COL4A3: variants seen among roughly 807,000 people sequenced by gnomAD.
COL4A3 encodes the protein collagen alpha-3(IV) chain.
COL4A3 carries 135 observed loss-of-function variants against 217.4 expected under a neutral mutation model. The observed-to-expected ratio is 0.62, with a 90% CI of 0.54 to 0.72. The LOEUF (loss-of-function observed/expected upper bound fraction) is 0.72, where lower values mean the gene tolerates loss of function less well. COL4A3 is among the 30% of genes least tolerant of loss of function. The pLI is 0.00. For missense variants in COL4A3, 1,868 were observed against 2,119.9 expected, an observed-to-expected ratio of 0.88 and a Z score of 2.33; for synonymous variants, 690 against 736.3, an observed-to-expected ratio of 0.94 and a Z score of 1.02.
At chr2:227,197,835 A>G (rs1024757930) in intron 1 of COL4A3, among the ~76,000 whole-genome samples, 3 of 152,196 alleles carry the variant, frequency 2.0e-5, no homozygotes, top group African/African-American at 7.2e-5. Flanking sequence ...GGTTACAACA[A>G]TTATCTCATT....
At position 227,254,114 on chromosome 2, in the gene COL4A3, C is replaced by A. The variant is rs966583523; in HGVS notation, c.768C>A (p.Asp256Glu). ...ATGTTGAACTGTTTCTTTGGCAGGA[C>A]CTCAAGGGGGAAAAGGGAGACAAGG... ...VTLTGPDNRT[D>E]LKGEKGDKGA... The change falls in exon 14 of 52, where the codon GAC becomes GAA. Residue 256 changes from aspartate (D) to glutamate (E), a missense_variant and splice_region_variant. Asp to Glu is a conservative substitution (Grantham distance 45). Transcript: ENST00000396578. The A allele has an allele frequency of 6.2e-7, 1 of 1,613,736 alleles. No individual in the cohort carries two copies. Among genetic ancestry groups the A allele is most frequent in the Non-Finnish European group, 8.5e-7 (1 of 1,179,766 alleles).
intron 48 of COL4A3, 69 bp from the exon 49 acceptor site, chr2:227,308,830 C>G (rs966982613): frequency 1.3e-6 from 2 of 1,492,996 alleles, no homozygotes; most frequent in African/African-American, 2.8e-5. Context: ...AAATTAGCTT[C>G]TCTCTAGTAA....
chr2:227,238,513 C>T (rs999338501), intron 2 of COL4A3, among the ~76,000 whole-genome samples: 2 of 152,118 alleles, frequency 1.3e-5, no homozygotes, highest in African/African-American at 4.8e-5. Flanking sequence ...GGAAGTAGCT[C>T]CATTGCAGAA....
At chr2:227,285,301 A>AAAG (rs2072249776) in intron 34 of COL4A3, among the ~76,000 whole-genome samples, 1 of 150,874 alleles carries the variant, frequency 6.6e-6, no homozygotes, top group Non-Finnish European at 1.5e-5. Context: ...AAAAAAAAAA[A>AAAG]AAATTTGCAC....
chr2:227,242,848 T>C (rs1331032473), intron 3 of COL4A3, among the ~76,000 whole-genome samples: 1 of 152,224 alleles, frequency 6.6e-6, no homozygotes, highest in Non-Finnish European at 1.5e-5. Context: ...AAAATCTTGC[T>C]GTTTTCCAGT....
At chr2:227,291,346 G>A (rs575235540) in intron 37 of COL4A3, among the ~76,000 whole-genome samples, 7 of 151,804 alleles carry the variant, frequency 4.6e-5, no homozygotes, top group Non-Finnish European at 1.0e-4. Flanking sequence ...GGCGGATCAC[G>A]AGGTCAGGAG....
chr2:227,241,532 G>T lies in COL4A3; in HGVS notation c.234+1300G>T, dbSNP rs181534520. On this transcript the variant is annotated intron_variant, in intron 3 of 51. Coordinates refer to ENST00000396578, the MANE Select transcript of COL4A3 (RefSeq NM_000091.5). Reference sequence around the variant, plus strand: ...CTACCAAAAATACAAAAATTAGCCAGGTGTGGTGGCATATGCCTGTGGTCT... The same window carrying T: ...CTACCAAAAATACAAAAATTAGCCATGTGTGGTGGCATATGCCTGTGGTCT... Among the ~76,000 whole-genome samples, 9 of 152,184 alleles carry T rather than the reference G, an allele frequency of 5.9e-5. 1 individual carries two copies. The highest frequency in any genetic ancestry group is 3.9e-4 in the Admixed American group (6 of 15,284).
intron 1 of COL4A3, among the ~76,000 whole-genome samples, chr2:227,217,211 A>G (rs952982579): frequency 6.6e-6 from 1 of 152,194 alleles, no homozygotes; most frequent in Admixed American, 6.5e-5. Context: ...AGACTTATCC[A>G]CTACCATGAG....
intron 43 of COL4A3, chr2:227,301,967 T>C (rs966703881): frequency 2.6e-5 from 4 of 152,260 alleles, no homozygotes; most frequent in African/African-American, 9.6e-5. Flanking sequence ...CTTGGCACTT[T>C]TCATGACCTT....
Position 227,246,008 on chromosome 2 carries a change from G to C in COL4A3, c.379G>C (p.Gly127Arg), listed in dbSNP as rs1221637579. 1 of 1,612,534 alleles carries C rather than the reference G, an allele frequency of 6.2e-7. No individual in the cohort carries two copies. The highest frequency in any genetic ancestry group is 1.7e-5 in the Admixed American group (1 of 60,002). ...YGLVGVPGCS[G>R]SKGEQGFPGL... ...ACTTGTCGGTGTACCAGGATGCAGT[G>C]GTTCTAAGGTAAGTACTTTTCACAC... is the stretch of plus-strand genomic sequence containing the variant. The change falls in exon 6 of 52, where the codon GGT becomes CGT. Residue 127 changes from glycine to arginine, a missense_variant. Physicochemically the swap from Gly to Arg is moderately radical, Grantham distance 125. This residue lies in a region of COL4A3 where 365 missense variants were observed against 333.8 expected (regional missense o/e 1.09). Coordinates refer to ENST00000396578, the MANE Select transcript of COL4A3 (RefSeq NM_000091.5).
chr2:227,276,315 G>GT, intron 26 of COL4A3, 70 bp from the exon 27 acceptor site: 1 of 1,131,088 alleles, frequency 8.8e-7, no homozygotes, highest in Non-Finnish European at 1.3e-6. Context: ...CTTTATAATC[G>GT]TATTTTCCGC....
At chr2:227,174,696 G>A (rs1287651470) in intron 1 of COL4A3, among the ~76,000 whole-genome samples, 5 of 151,986 alleles carry the variant, frequency 3.3e-5, no homozygotes, top group Non-Finnish European at 4.4e-5. Flanking sequence ...TAGAAGAGAC[G>A]GGGTCTCACC....
chr2:227,282,137 T>C lies in COL4A3; in HGVS notation c.2489-228T>C, dbSNP rs973574983. Among the ~76,000 whole-genome samples, 2 of 152,006 alleles carry C rather than the reference T, an allele frequency of 1.3e-5. No homozygotes were observed. The highest frequency in any genetic ancestry group is 2.9e-5 in the Non-Finnish European group (2 of 67,998). Reference sequence around the variant, plus strand: ...AAATACAAAACTTAGCTATGCATTATGGTGCACGCCTGTAGTCCCAGCTAT... The same window carrying C: ...AAATACAAAACTTAGCTATGCATTACGGTGCACGCCTGTAGTCCCAGCTAT... On this transcript the variant is annotated intron_variant, in intron 31 of 51. Coordinates refer to ENST00000396578, the MANE Select transcript of COL4A3 (RefSeq NM_000091.5). The surrounding 1 kb of genome is among the most constrained non-coding windows in gnomAD (Gnocchi z 4.4).
chr2:227,245,147 G>A, intron 5 of COL4A3, 152 bp downstream of exon 5: 2 of 737,802 alleles, frequency 2.7e-6, no homozygotes, highest in Non-Finnish European at 4.7e-6. Flanking sequence ...CTAGTGTGTG[G>A]ATTTATATGA....
chr2:227,180,788 A>G (rs1221061660), intron 1 of COL4A3, among the ~76,000 whole-genome samples: 2 of 152,244 alleles, frequency 1.3e-5, no homozygotes, highest in Admixed American at 6.5e-5. Flanking sequence ...TGAGACAGGA[A>G]TGAGATTCAA....
At position 227,312,456 on chromosome 2, in the gene COL4A3, T is replaced by C. The variant is rs993751561; in HGVS notation, c.*586T>C. The C allele has an allele frequency of 1.3e-5, 2 of 152,556 alleles. No homozygotes were observed. The highest frequency in any genetic ancestry group is 2.9e-5 in the Non-Finnish European group (2 of 68,292). The allele number at this position is 152,556 out of a possible 1,614,324, so 9.5% of individuals were successfully genotyped here. A position where few individuals can be genotyped will look rare whatever the true frequency, so the allele number is the denominator to read the frequency against. Reference sequence around the variant, plus strand: ...GGACTGTTTCAAACATGCCCATTACTAACGGCAAAAGGGGGATTCCCTGAT... The same window carrying C: ...GGACTGTTTCAAACATGCCCATTACCAACGGCAAAAGGGGGATTCCCTGAT... On this transcript the variant is annotated 3_prime_UTR_variant, in exon 52 of 52. Coordinates refer to ENST00000396578, the MANE Select transcript of COL4A3 (RefSeq NM_000091.5).
chr2:227,256,154 T>G, intron 16 of COL4A3, 84 bp downstream of exon 16: 1 of 1,397,470 alleles, frequency 7.2e-7, no homozygotes, highest in East Asian at 2.3e-5. Flanking sequence ...CACTAAATAG[T>G]TATAAACAAA....
chr2:227,279,579 C>T, intron 28 of COL4A3: 1 of 547,358 alleles, frequency 1.8e-6, no homozygotes. Flanking sequence ...CATGGCCCTA[C>T]TAAACAACAA....
chr2:227,251,167 G>A lies in COL4A3; in HGVS notation c.574G>A (p.Gly192Arg). The change falls in exon 10 of 52, where the codon GGG becomes AGG. Residue 192 changes from glycine to arginine, a missense_variant. Transcript: ENST00000396578. ...QGLPGPPGFPGPVGPPGPPGF... is the reference protein window; with the variant it reads ...QGLPGPPGFPRPVGPPGPPGF... ...TTTGCCAGGCCCTCCAGGTTTTCCT[G>A]GGCCTGTTGGCCCACCTGGTCCTCC... 6.2e-7 allele frequency: 1 copy of A among 1,613,812 alleles called. No homozygotes were observed. The highest frequency in any genetic ancestry group is 1.1e-5 in the South Asian group (1 of 91,068).
Sources: gnomAD v4.1 joint callset for allele counts (sites outside exome capture counted in the v4.1 genomes callset) on GRCh38, gnomAD v4.1.1 for gene constraint, gnomAD v4.1.1 regional missense constraint, Gnocchi (gnomAD v3.1) non-coding constraint, MANE v1.5 for transcripts, NCBI Gene and HGNC (gene_info 2026-07-23, HGNC 2026-07-21) for gene names.